Variants in CALN1 observed in about 807,000 individuals in gnomAD.
CALN1 encodes calcium-binding protein 8.
CALN1 carries 17 observed loss-of-function variants against 30.6 expected under a neutral mutation model. The ratio of observed to expected loss-of-function variants is 0.56; its 90% CI spans 0.38 to 0.83. CALN1 has a LOEUF of 0.83. CALN1 is among the 40% of genes least tolerant of loss of function. The probability of loss-of-function intolerance (pLI) is 0.00; values close to 1 mark genes in which losing one functional copy is unlikely to be tolerated. For synonymous variants in CALN1, 156 were observed against 131.4 expected, an observed-to-expected ratio of 1.19 and a Z score of -1.28; for missense variants, 291 against 354.9, an observed-to-expected ratio of 0.82 and a Z score of 1.45.
chr7:72,250,810 C>T (rs747237288), intron 3 of CALN1, among the ~76,000 whole-genome samples: 1 of 152,162 alleles, frequency 6.6e-6, no homozygotes, highest in Non-Finnish European at 1.5e-5. Flanking sequence ...CAGATGCAGG[C>T]ACCACGCTCG....
chr7:72,428,397 A>T (rs555055331), intron 1 of CALN1, among the ~76,000 whole-genome samples: 1,507 of 144,976 alleles, frequency 0.01, 24 homozygotes, highest in African/African-American at 0.034. Context: ...TTATTTTATT[A>T]TTTTTTTTTT....
intron 3 of CALN1, among the ~76,000 whole-genome samples, chr7:72,115,204 GTATAATA>G (rs1448707793): frequency 4.9e-5 from 7 of 144,096 alleles, no homozygotes; most frequent in Admixed American, 7.0e-5. Context: ...ATATATTAAT[GTATAATA>G]TATAATATAT....
intron 4 of CALN1, among the ~76,000 whole-genome samples, chr7:72,069,979 G>C (rs1804279272): frequency 6.6e-6 from 1 of 152,106 alleles, no homozygotes; most frequent in South Asian, 2.1e-4. Context: ...CCCTTCCCAA[G>C]AACAACATCT....
At chr7:72,005,334 TTTTTTC>T (rs1475326091) in intron 5 of CALN1, among the ~76,000 whole-genome samples, 1 of 152,018 alleles carries the variant, frequency 6.6e-6, no homozygotes, top group East Asian at 1.9e-4. Context: ...AAGCAAACTG[TTTTTTC>T]TGTTTTGAGA....
At chr7:72,278,514 C>CACACACACACACAG (rs71515105) in intron 3 of CALN1, among the ~76,000 whole-genome samples, 172 bp downstream of exon 3, 1 of 145,044 alleles carries the variant, frequency 6.9e-6, no homozygotes, top group South Asian at 2.2e-4. Context: ...CACACACACA[C>CACACACACACACAG]GTCACTTGGG....
intron 5 of CALN1, among the ~76,000 whole-genome samples, chr7:72,000,773 G>C (rs1443959846): frequency 6.6e-6 from 1 of 152,130 alleles, no homozygotes; most frequent in African/African-American, 2.4e-5. Flanking sequence ...CATGAACTTA[G>C]ATGTAAGAAT....
At chr7:72,301,522 C>T (rs1231605736) in intron 2 of CALN1, among the ~76,000 whole-genome samples, 1 of 150,246 alleles carries the variant, frequency 6.7e-6, no homozygotes, top group East Asian at 2.0e-4. Flanking sequence ...AGAGGAGAAT[C>T]GCTGTAACCC....
chr7:72,242,981 T>C (rs1029961182), intron 3 of CALN1, among the ~76,000 whole-genome samples: 6 of 152,342 alleles, frequency 3.9e-5, no homozygotes, highest in African/African-American at 1.4e-4. Context: ...TTTGATATTA[T>C]AGATATGGAT....
chr7:72,196,129 T>C (rs1391047457), intron 3 of CALN1, among the ~76,000 whole-genome samples: 3 of 152,014 alleles, frequency 2.0e-5, no homozygotes, highest in African/African-American at 4.8e-5. Context: ...CTTTTTTTTT[T>C]TTAGACAGGG....
At chr7:72,388,366 A>G (rs1317116628) in intron 2 of CALN1, among the ~76,000 whole-genome samples, 2 of 152,014 alleles carry the variant, frequency 1.3e-5, no homozygotes, top group Admixed American at 6.6e-5. Flanking sequence ...GCAAGGAAAA[A>G]TGCAAAAAAA....
intron 5 of CALN1, among the ~76,000 whole-genome samples, chr7:71,956,727 C>T (rs949480179): frequency 1.2e-4 from 18 of 152,014 alleles, no homozygotes; most frequent in Non-Finnish European, 2.5e-4. Context: ...GACAGAGTTT[C>T]ACTCTGCCAC....
intron 5 of CALN1, among the ~76,000 whole-genome samples, chr7:71,924,837 T>C (rs1346150589): frequency 6.6e-6 from 1 of 152,220 alleles, no homozygotes; most frequent in African/African-American, 2.4e-5. Flanking sequence ...ACAAATACAT[T>C]ATGTCTTAAA....
chr7:71,905,115 T>A (rs1303312409), intron 5 of CALN1, among the ~76,000 whole-genome samples: 1 of 152,114 alleles, frequency 6.6e-6, no homozygotes, highest in Non-Finnish European at 1.5e-5. Context: ...ATTTTTGTAT[T>A]TTCAGTAGAG....
intron 3 of CALN1, among the ~76,000 whole-genome samples, chr7:72,205,351 C>T (rs1748917933): frequency 6.6e-6 from 1 of 151,002 alleles, no homozygotes; most frequent in Admixed American, 6.6e-5. Flanking sequence ...CAGGCATGTA[C>T]CACCACACCT....
At chr7:71,933,962 T>C (rs1299988219) in intron 5 of CALN1, among the ~76,000 whole-genome samples, 1 of 152,092 alleles carries the variant, frequency 6.6e-6, no homozygotes. Flanking sequence ...AAACCTCAAA[T>C]GTATGTACGT....
chr7:72,403,422 G>C lies in CALN1; in HGVS notation c.-53C>G. The C allele has an allele frequency of 7.1e-7, 1 of 1,404,310 alleles. No individual in the cohort carries two copies. The highest frequency in any genetic ancestry group is 2.1e-5 in the Admixed American group (1 of 47,354). The allele number at this position is 1,404,310 out of a possible 1,614,324, so 87.0% of individuals were successfully genotyped here. A position where few individuals can be genotyped will look rare whatever the true frequency, so the allele number is the denominator to read the frequency against. Reference sequence around the variant, plus strand: ...AGAGTTAGAAGCTCATCAAAGGAACGTCAGCGAAGGCACTGAGACTCTGAA... The same window carrying C: ...AGAGTTAGAAGCTCATCAAAGGAACCTCAGCGAAGGCACTGAGACTCTGAA... On this transcript the variant is annotated 5_prime_UTR_variant, in exon 2 of 7. Coordinates refer to ENST00000395275, the MANE Select transcript of CALN1 (RefSeq NM_031468.4).
At chr7:72,191,919 G>A (rs1283169397) in intron 3 of CALN1, among the ~76,000 whole-genome samples, 1 of 152,092 alleles carries the variant, frequency 6.6e-6, no homozygotes, top group Admixed American at 6.6e-5. Context: ...TTAGGCTGGT[G>A]CAAAAGTAAC....
At chr7:72,258,346 G>C (rs1796054696) in intron 3 of CALN1, among the ~76,000 whole-genome samples, 1 of 152,102 alleles carries the variant, frequency 6.6e-6, no homozygotes, top group South Asian at 2.1e-4. Context: ...CTGATACCCT[G>C]AAAAAGAGAT....
intron 3 of CALN1, among the ~76,000 whole-genome samples, chr7:72,245,296 C>T (rs1795086234): frequency 1.3e-5 from 2 of 152,148 alleles, no homozygotes; most frequent in South Asian, 4.1e-4. Context: ...ACCCTACGTG[C>T]AGTACTGTGA....
Sources: allele counts gnomAD v4.1 joint callset (sites outside exome capture counted in the v4.1 genomes callset), GRCh38; gene constraint gnomAD v4.1.1; transcripts MANE v1.5; gene names NCBI Gene and HGNC (gene_info 2026-07-23, HGNC 2026-07-21).